The following MYH1 variants were observed in gnomAD, a reference collection of about 807,000 sequenced individuals.
The protein encoded by MYH1 is myosin heavy chain 1, also known as myosin-1.
MYH1 carries 214 observed loss-of-function variants against 225.6 expected under a neutral mutation model. That is an observed-to-expected ratio of 0.95 (90% CI 0.85 to 1.06). The LOEUF (loss-of-function observed/expected upper bound fraction) is 1.06, where lower values mean the gene tolerates loss of function less well. Ranked by LOEUF, MYH1 falls within the 50% of genes least tolerant of loss-of-function variation. MYH1 has a pLI of 0.00. For missense variants in MYH1, 2,098 were observed against 2,344.2 expected (o/e 0.89, Z 2.17); for synonymous variants, 774 against 842.3 (o/e 0.92, Z 1.40).
chr17:10,505,701 G>C, intron 19 of MYH1, 111 bp downstream of exon 19: 1 of 1,458,202 alleles, frequency 6.9e-7, no homozygotes, highest in Non-Finnish European at 9.3e-7. Flanking sequence ...TTTGTTAAGT[G>C]AGTTTATCTT....
In MYH1 at chr17:10,496,081, G is replaced by T; in HGVS notation, c.5038C>A (p.Arg1680Ser). The T allele has an allele frequency of 6.2e-7, 1 of 1,614,126 alleles. No homozygotes were observed. The highest frequency in any genetic ancestry group is 1.3e-5 in the African/African-American group (1 of 75,016). Residue 1680 changes from arginine to serine, a missense_variant, in exon 35 of 40, where the codon CGC (arginine) becomes AGC (serine). Physicochemically the swap from Arg to Ser is moderately radical, Grantham distance 110 (BLOSUM62 -1). Coordinates refer to ENST00000226207, the MANE Select transcript of MYH1 (RefSeq NM_005963.4). ...TCAGCCTGCAGCAGGTTGGCTCTGCGCTCCACCATAGCCAGCTGTTCCTTC... is the reference window on the plus strand; with the variant it reads ...TCAGCCTGCAGCAGGTTGGCTCTGCTCTCCACCATAGCCAGCTGTTCCTTC... Reference protein sequence around the residue: ...DLKEQLAMVERRANLLQAEIE... With the variant: ...DLKEQLAMVESRANLLQAEIE...
chr17:10,496,362 G>T lies in MYH1; in HGVS notation c.4844C>A (p.Ala1615Asp). Residue 1615 changes from alanine (A) to aspartate (D), a missense_variant, in exon 34 of 40, where the codon GCC (alanine) becomes GAC (aspartate). Physicochemically the swap from Ala to Asp is moderately radical, Grantham distance 126. Transcript: ENST00000226207. ...CTCCATCTTCTTCTTGAGCCTAATG[G>T]CATCATTCCTGCTCCTGATCTCAGC... ...LDAEIRSRNDAIRLKKKMEGD... is the reference protein window; with the variant it reads ...LDAEIRSRNDDIRLKKKMEGD... 6.8e-6 allele frequency: 11 copies of T among 1,613,940 alleles called. No individual in the cohort carries two copies. Among genetic ancestry groups the T allele is most frequent in the Non-Finnish European group, 8.5e-6 (10 of 1,180,004 alleles).
chr17:10,504,999 C>T lies in MYH1; in HGVS notation c.2502G>A (p.Met834Ile), dbSNP rs1216140800. ...AFMNVKHWPW[M>I]KLYFKIKPLL... is the part of the protein sequence containing the mutation. Reference sequence around the variant, plus strand: ...GGGGTTTGATCTTGAAATACAGCTTCATCCAGGGCCAGTGCTTCACATTCA... The same window carrying T: ...GGGGTTTGATCTTGAAATACAGCTTTATCCAGGGCCAGTGCTTCACATTCA... The change falls in exon 22 of 40, where the codon ATG becomes ATA. Residue 834 changes from methionine (M) to isoleucine (I), a missense_variant. Transcript: ENST00000226207. 6.2e-7 allele frequency: 1 copy of T among 1,614,082 alleles called. No homozygotes were observed. Among genetic ancestry groups the T allele is most frequent in the East Asian group, 2.2e-5 (1 of 44,896 alleles).
At position 10,501,234 on chromosome 17, in the gene MYH1, G is replaced by T; in HGVS notation, c.3614C>A (p.Ala1205Asp). Residue 1205 changes from alanine to aspartate, a missense_variant, in exon 27 of 40, where the codon GCC (alanine) becomes GAC (aspartate). Physicochemically the swap from Ala to Asp is moderately radical, Grantham distance 126. Coordinates refer to ENST00000226207, the MANE Select transcript of MYH1 (RefSeq NM_005963.4). ...GTTGTCAATCTGCTCCCCAAGCTCG[G>T]CCACACTATCTGCATGCTTCTTCCT... ...TLRKKHADSV[A>D]ELGEQIDNLQ... is the part of the protein sequence containing the mutation. The T allele has an allele frequency of 6.2e-7, 1 of 1,614,154 alleles. No homozygotes were observed. The highest frequency in any genetic ancestry group is 8.5e-7 in the Non-Finnish European group (1 of 1,180,024).
rs541402684 is a variant in MYH1, at chr17:10,495,280, G to T, written c.5207C>A (p.Thr1736Lys). 22 of 1,614,116 alleles carry T rather than the reference G, an allele frequency of 1.4e-5. No homozygotes were observed. The South Asian group carries it at 2.3e-4, about 17-fold the overall frequency. ...CTCTCCCTGGATTTGGGAAATGTCT[G>T]TCTCCAGCTTCTTCTTGGTGTTGAT... is the stretch of plus-strand genomic sequence containing the variant. ...SLINTKKKLE[T>K]DISQIQGEME... The change falls in exon 36 of 40, where the codon ACA becomes AAA. Residue 1736 changes from threonine (T) to lysine (K), a missense_variant. Transcript: ENST00000226207.
rs2073136909 is a variant in MYH1, at chr17:10,508,380, G to A, written c.1880C>T (p.Ala627Val). 6.2e-7 allele frequency: 1 copy of A among 1,603,772 alleles called. No individual in the cohort carries two copies. Among genetic ancestry groups the A allele is most frequent in the East Asian group, 2.2e-5 (1 of 44,736 alleles). ...MKTLALLFVG[A>V]TGAEAEAGGG... ...ATAATTACCTGCTTCCGCTCCCGTTGCCCCAACAAAGAGGAGAGCCAGAGT... is the reference window on the plus strand; with the variant it reads ...ATAATTACCTGCTTCCGCTCCCGTTACCCCAACAAAGAGGAGAGCCAGAGT... The change falls in exon 16 of 40, where the codon GCA becomes GTA. Residue 627 changes from alanine (A) to valine (V), a missense_variant. Transcript: ENST00000226207.
rs1223653170 is a variant in MYH1 at position 10,494,405 on chromosome 17, C to T, written c.5616G>A (p.Val1872=). Reference sequence around the variant, plus strand: ...ATTTCACCTTTGCTTGCAGTTTGTCCACCAGGTCCTGGAGCCTGAGAATAT... The same window carrying T: ...ATTTCACCTTTGCTTGCAGTTTGTCTACCAGGTCCTGGAGCCTGAGAATAT... ...RKNILRLQDL[V]DKLQAKVKSY... Residue 1872 remains valine (V), a synonymous_variant, in exon 39 of 40, where the codon GTG becomes GTA. Coordinates refer to ENST00000226207, the MANE Select transcript of MYH1 (RefSeq NM_005963.4). 3 of 1,614,184 alleles carry T rather than the reference C, an allele frequency of 1.9e-6. No homozygotes were observed. Among genetic ancestry groups the T allele is most frequent in the South Asian group, 2.2e-5 (2 of 91,084 alleles).
In MYH1 at chr17:10,508,390, AGAG is replaced by A; in HGVS notation, c.1867_1869del (p.Leu623del). On this transcript the variant is annotated inframe_deletion, in exon 16 of 40. Transcript: ENST00000226207. ...GCTTCCGCTCCCGTTGCCCCAACAA[AGAG>A]GAGAGCCAGAGTCTTCATTGCAGAC... is the stretch of plus-strand genomic sequence containing the variant. 6.2e-7 allele frequency: 1 copy of A among 1,607,410 alleles called. No individual in the cohort carries two copies. Among genetic ancestry groups the A allele is most frequent in the Non-Finnish European group, 8.5e-7 (1 of 1,176,696 alleles).
In MYH1 at chr17:10,505,430, G is replaced by A. The variant is rs768131760; in HGVS notation, c.2256C>T (p.Ser752=). The change falls in exon 20 of 40, where the codon TCC becomes TCT. Residue 752 remains serine, a synonymous_variant. Transcript: ENST00000226207. ...SKKASEKLLG[S]IDIDHTQYKF... ...TATACTGGGTGTGGTCAATGTCAAT[G>A]GACCCCAGGAGCTTCTCTGAAGCCT... The A allele has an allele frequency of 6.2e-7, 1 of 1,614,122 alleles. No individual in the cohort carries two copies. Among genetic ancestry groups the A allele is most frequent in the Non-Finnish European group, 8.5e-7 (1 of 1,179,982 alleles).
rs372524072 is a variant in MYH1, at chr17:10,509,475, G to T, written c.1587+10C>A. The T allele has an allele frequency of 3.7e-6, 6 of 1,613,952 alleles. No homozygotes were observed. The highest frequency in any genetic ancestry group is 1.7e-5 in the Admixed American group (1 of 59,988). On this transcript the variant is annotated intron_variant, in intron 15 of 39. Coordinates refer to ENST00000226207, the MANE Select transcript of MYH1 (RefSeq NM_005963.4). ...CAGTATGATCTGTGGTCTGCAAAAAGCAAGCCAACCTTCTCGATGAGCTCG... is the reference window on the plus strand; with the variant it reads ...CAGTATGATCTGTGGTCTGCAAAAATCAAGCCAACCTTCTCGATGAGCTCG...
chr17:10,502,661 T>C, intron 24 of MYH1, 77 bp downstream of exon 24: 1 of 1,604,552 alleles, frequency 6.2e-7, no homozygotes, highest in Non-Finnish European at 8.5e-7. Flanking sequence ...ACTCACTATA[T>C]CATAACGACA....
intron 6 of MYH1, among the ~76,000 whole-genome samples, 192 bp from the exon 7 acceptor site, chr17:10,514,316 C>T (rs914824557): frequency 4.6e-5 from 7 of 152,144 alleles, no homozygotes; most frequent in African/African-American, 1.4e-4. Flanking sequence ...TCATTTAACA[C>T]GTATTTCTTG....
chr17:10,514,093 T>C lies in MYH1; in HGVS notation c.565A>G (p.Thr189Ala). The C allele has an allele frequency of 1.2e-6, 2 of 1,614,186 alleles. No individual in the cohort carries two copies. Among genetic ancestry groups the C allele is most frequent in the South Asian group, 1.1e-5 (1 of 91,090 alleles). Residue 189 changes from threonine to alanine, a missense_variant, in exon 7 of 40, where the codon ACC becomes GCC. Thr to Ala is a moderately conservative substitution (Grantham distance 58). Transcript: ENST00000226207. The part of the protein sequence containing the change: ...GESGAGKTVN[T>A]KRVIQYFATI... Reference sequence around the variant, plus strand: ...GCAAAGTACTGGATGACACGCTTGGTGTTCACAGTCTTCCCTGCGCCAGAT... The same window carrying C: ...GCAAAGTACTGGATGACACGCTTGGCGTTCACAGTCTTCCCTGCGCCAGAT...
Position 10,505,180 on chromosome 17 carries a change from C to T in MYH1, c.2418G>A (p.Gln806=), listed in dbSNP as rs752321678. The T allele has an allele frequency of 8.7e-6, 14 of 1,614,036 alleles. 1 individual carries two copies. The highest frequency in any genetic ancestry group is 2.7e-5 in the African/African-American group (2 of 74,918). Residue 806 remains glutamine, a synonymous_variant, in exon 21 of 40, where the codon CAG becomes CAA. Coordinates refer to ENST00000226207, the MANE Select transcript of MYH1 (RefSeq NM_005963.4). ...ATTAATACCTTCTTTCCACCATTTT[C>T]TGGTACTCCACTCTTGCCAAGAACC... is the stretch of plus-strand genomic sequence containing the variant. The part of the protein sequence containing the change: ...CRGFLARVEY[Q]KMVERRESIF...
Position 10,515,026 on chromosome 17 carries a change from A to C in MYH1, c.506-131T>G, listed in dbSNP as rs1340530439. 4 of 789,820 alleles carry C rather than the reference A, an allele frequency of 5.1e-6. No homozygotes were observed. The Admixed American group carries it at 8.6e-5, about 17-fold the overall frequency. The allele number at this position is 789,820 out of a possible 1,614,324, so 48.9% of individuals were successfully genotyped here. ...TTTTTCAATATATTATGGTAAAGTTATGGGTGTGTCCTGCTGGTTTAATAT... is the reference window on the plus strand; with the variant it reads ...TTTTTCAATATATTATGGTAAAGTTCTGGGTGTGTCCTGCTGGTTTAATAT... On this transcript the variant is annotated intron_variant, in intron 5 of 39. Coordinates refer to ENST00000226207, the MANE Select transcript of MYH1 (RefSeq NM_005963.4).
At position 10,508,446 on chromosome 17, in the gene MYH1, T is replaced by C; in HGVS notation, c.1814A>G (p.Asn605Ser). ...CTGGTACAGCCCCACCACAGTCTCA[T>C]TCAGGGGGTCCTTGTTCTTGTCAAG... ...GWLDKNKDPL[N>S]ETVVGLYQKS... The change falls in exon 16 of 40, where the codon AAT becomes AGT. Residue 605 changes from asparagine to serine, a missense_variant. Coordinates refer to ENST00000226207, the MANE Select transcript of MYH1 (RefSeq NM_005963.4). 3.7e-6 allele frequency: 6 copies of C among 1,614,214 alleles called. No individual in the cohort carries two copies. The highest frequency in any genetic ancestry group is 5.1e-6 in the Non-Finnish European group (6 of 1,180,030).
chr17:10,501,233 G>T lies in MYH1; in HGVS notation c.3615C>A (p.Ala1205=). The T allele has an allele frequency of 6.2e-7, 1 of 1,614,090 alleles. No homozygotes were observed. Among genetic ancestry groups the T allele is most frequent in the East Asian group, 2.2e-5 (1 of 44,876 alleles). ...GGTTGTCAATCTGCTCCCCAAGCTC[G>T]GCCACACTATCTGCATGCTTCTTCC... ...TLRKKHADSV[A]ELGEQIDNLQ... Residue 1205 remains alanine, a synonymous_variant, in exon 27 of 40, where the codon GCC becomes GCA. Transcript: ENST00000226207.
intron 11 of MYH1, 44 bp downstream of exon 11, chr17:10,512,637 C>G: frequency 1.2e-6 from 2 of 1,610,070 alleles, no homozygotes; most frequent in South Asian, 1.1e-5. Context: ...TATTGCCATT[C>G]CCATGCATAA....
chr17:10,510,949 CAA>C (rs879854960), intron 14 of MYH1, among the ~76,000 whole-genome samples: 16 of 136,722 alleles, frequency 1.2e-4, no homozygotes, highest in Non-Finnish European at 1.3e-4. Context: ...GCTGTTACTT[CAA>C]AAAAAAAAAA....
Sources: allele counts gnomAD v4.1 joint callset (sites outside exome capture counted in the v4.1 genomes callset), GRCh38; gene constraint gnomAD v4.1.1; transcripts MANE v1.5; gene names NCBI Gene and HGNC (gene_info 2026-07-23, HGNC 2026-07-21).